The following CCDC9 variants were observed in gnomAD, a reference collection of about 807,000 sequenced individuals.
The protein encoded by CCDC9 is coiled-coil domain containing 9.
A neutral mutation model predicts 65.6 loss-of-function variants in CCDC9; 52 were observed. The ratio of observed to expected loss-of-function variants is 0.79; its 90% CI spans 0.63 to 1.00. The LOEUF (loss-of-function observed/expected upper bound fraction) is 1.00. CCDC9 is among the 50% of genes least tolerant of loss of function. The pLI is 0.00. For synonymous variants in CCDC9, 332 were observed against 280.3 expected (o/e 1.18, Z -1.84); for missense variants, 834 against 757.2 (o/e 1.10, Z -1.19).
intron 3 of CCDC9, among the ~76,000 whole-genome samples, chr19:47,259,443 C>G (rs529109723): frequency 6.6e-6 from 1 of 152,136 alleles, no homozygotes; most frequent in South Asian, 2.1e-4. Context: ...AAGGAGGAAG[C>G]TGGGGCTGGA....
At chr19:47,265,062 G>A in intron 7 of CCDC9, 116 bp downstream of exon 7, 1 of 922,852 alleles carries the variant, frequency 1.1e-6, no homozygotes, top group Non-Finnish European at 1.4e-6. Flanking sequence ...CACAGCACAG[G>A]ACTTTTTTTT....
At chr19:47,266,533 C>G in intron 7 of CCDC9, 78 bp from the exon 8 acceptor site, 1 of 1,441,680 alleles carries the variant, frequency 6.9e-7, no homozygotes. Flanking sequence ...TGATCCTGAG[C>G]AAGTGGATGT....
chr19:47,271,853 A>C lies in CCDC9; in HGVS notation c.*175A>C. ...GTCAGCTGAGGGGGTAGCGCAGCCCATGCTCTTCTGTACTGTCATGCCCGT... is the reference window on the plus strand; with the variant it reads ...GTCAGCTGAGGGGGTAGCGCAGCCCCTGCTCTTCTGTACTGTCATGCCCGT... On this transcript the variant is annotated 3_prime_UTR_variant, in exon 12 of 12. Transcript: ENST00000221922. 2 of 1,398,126 alleles carry C rather than the reference A, an allele frequency of 1.4e-6. No homozygotes were observed. Among genetic ancestry groups the C allele is most frequent in the Non-Finnish European group, 1.9e-6 (2 of 1,080,468 alleles). 86.6% of individuals were successfully genotyped at this position (1,398,126 alleles called of 1,614,324 possible).
At chr19:47,259,871 G>A (rs943595478) in intron 3 of CCDC9, among the ~76,000 whole-genome samples, 7 of 152,172 alleles carry the variant, frequency 4.6e-5, no homozygotes, top group African/African-American at 1.7e-4. Context: ...TCCACAGGGT[G>A]CTCAGGGAAG....
chr19:47,263,918 G>A (rs1264194780), intron 5 of CCDC9, among the ~76,000 whole-genome samples: 2 of 151,050 alleles, frequency 1.3e-5, no homozygotes, highest in African/African-American at 2.4e-5. Flanking sequence ...CTACTCTGTT[G>A]CCCAGGCTGG....
At chr19:47,272,280 G>A (rs1003031385), downstream of CCDC9, 3 of 688,308 alleles carry the variant, frequency 4.4e-6, no homozygotes, top group Non-Finnish European at 6.1e-6. Flanking sequence ...GGACCATAGA[G>A]GTGAGGTGAA....
chr19:47,271,716 TGTGTGTGTGTGTGTGTGCGC>T lies in CCDC9; in HGVS notation c.*40_*59del, dbSNP rs1352296578. On this transcript the variant is annotated 3_prime_UTR_variant, in exon 12 of 12. Transcript: ENST00000221922. ...GTGTGTGTGTGTGTGTGTGTGTGTG[TGTGTGTGTGTGTGTGTGCGC>T]GCGCGCGCGCGCGCGCGCGCGCGCT... 2.7e-5 allele frequency: 38 copies of T among 1,386,432 alleles called. No homozygotes were observed. Among genetic ancestry groups the T allele is most frequent in the African/African-American group, 2.3e-4 (11 of 47,864 alleles). 85.9% of individuals were successfully genotyped at this position (1,386,432 alleles called of 1,614,324 possible). A position where few individuals can be genotyped will look rare whatever the true frequency, so the allele number is the denominator to read the frequency against.
chr19:47,272,959 C>G (rs2059132676), downstream of CCDC9, among the ~76,000 whole-genome samples: 1 of 146,458 alleles, frequency 6.8e-6, no homozygotes, highest in Non-Finnish European at 1.5e-5. Context: ...GTTAGAATAG[C>G]AGGCGTTGGC....
intron 6 of CCDC9, 33 bp from the exon 7 acceptor site, chr19:47,264,740 G>A: frequency 6.2e-7 from 1 of 1,603,546 alleles, no homozygotes; most frequent in South Asian, 1.1e-5. Context: ...GCTGCGGGGA[G>A]CCCGCGCCAA....
rs374156415 is a variant in CCDC9, at chr19:47,270,740, G to A, written c.1085+52G>A. 36 of 1,537,914 alleles carry A rather than the reference G, an allele frequency of 2.3e-5. No individual in the cohort carries two copies. The Admixed American group carries it at 2.4e-4, about 10-fold the overall frequency. ...ATACCCCCAGGGCTCTCCGCAGGGCGTTCTCTTCTTTGGCTTGCTGTGAAG... is the reference window on the plus strand; with the variant it reads ...ATACCCCCAGGGCTCTCCGCAGGGCATTCTCTTCTTTGGCTTGCTGTGAAG... On this transcript the variant is annotated intron_variant, in intron 10 of 11. Transcript: ENST00000221922.
chr19:47,274,998 TGGC>T, downstream of CCDC9: 2 of 1,471,950 alleles, frequency 1.4e-6, no homozygotes, highest in Non-Finnish European at 1.8e-6. Flanking sequence ...GCGGGGGCGC[TGGC>T]TGCGCTTGGC....
At chr19:47,258,687 A>T (rs778182035) in intron 3 of CCDC9, 24 bp downstream of exon 3, 1 of 1,555,976 alleles carries the variant, frequency 6.4e-7, no homozygotes, top group Admixed American at 1.7e-5. Context: ...GCCCTGGGAG[A>T]CCCCATCCCC....
At chr19:47,258,695 C>T in intron 3 of CCDC9, 32 bp downstream of exon 3, 2 of 1,493,712 alleles carry the variant, frequency 1.3e-6, no homozygotes, top group Non-Finnish European at 1.9e-6. Flanking sequence ...AGACCCCATC[C>T]CCTCTCTTCC....
intron 7 of CCDC9, among the ~76,000 whole-genome samples, chr19:47,265,582 A>G (rs1306433938): frequency 6.6e-6 from 1 of 151,852 alleles, no homozygotes; most frequent in Non-Finnish European, 1.5e-5. Context: ...ACGTGGCTCT[A>G]GTTGTTACAG....
Position 47,258,551 on chromosome 19 carries a change from G to A in CCDC9, c.4-8G>A, listed in dbSNP as rs202021250. Reference sequence around the variant, plus strand: ...TCCTTCCATCCCTCAACTGCCTCCCGGTCTCAGGCAGCCACACTCGATTTG... The same window carrying A: ...TCCTTCCATCCCTCAACTGCCTCCCAGTCTCAGGCAGCCACACTCGATTTG... On this transcript the variant is annotated splice_polypyrimidine_tract_variant and splice_region_variant and intron_variant, in intron 2 of 11. Coordinates refer to ENST00000221922, the MANE Select transcript of CCDC9 (RefSeq NM_015603.3). The A allele has an allele frequency of 3.7e-6, 6 of 1,612,200 alleles. No individual in the cohort carries two copies. In the African/African-American group the frequency reaches 5.3e-5, roughly 14 times the overall value.
Position 47,268,934 on chromosome 19 carries a change from A to G in CCDC9, c.903-1473A>G, listed in dbSNP as rs577933269. ...CTCCGTTTCAAAAAATAATAATAAT[A>G]ATAATAATAATGTGTGTCTGGGCCA... On this transcript the variant is annotated intron_variant, in intron 8 of 11. Transcript: ENST00000221922. Among the ~76,000 whole-genome samples, 3 of 151,246 alleles carry G rather than the reference A, an allele frequency of 2.0e-5. No individual in the cohort carries two copies. The South Asian group carries it at 6.3e-4, about 32-fold the overall frequency.
chr19:47,259,662 G>C (rs997601974), intron 3 of CCDC9, among the ~76,000 whole-genome samples: 46 of 152,182 alleles, frequency 3.0e-4, no homozygotes, highest in African/African-American at 1.1e-3. Flanking sequence ...TTTAAAAAAG[G>C]CATATTGAAT....
downstream of CCDC9, chr19:47,273,329 C>T (rs1416553136): frequency 8.2e-6 from 10 of 1,226,568 alleles, no homozygotes; most frequent in East Asian, 1.9e-4. Context: ...CTGCTCCCCT[C>T]CGCTGACTCA....
At chr19:47,274,868 G>C, downstream of CCDC9, 1 of 1,182,156 alleles carries the variant, frequency 8.5e-7, no homozygotes, top group East Asian at 3.7e-5. Flanking sequence ...GCGGGGCCTG[G>C]TGGGGGCGGG....
Sources: allele counts gnomAD v4.1 joint callset (sites outside exome capture counted in the v4.1 genomes callset), GRCh38; gene constraint gnomAD v4.1.1; transcripts MANE v1.5; gene names NCBI Gene and HGNC (gene_info 2026-07-23, HGNC 2026-07-21).